TMTC2: variants seen among roughly 807,000 people sequenced by gnomAD.
TMTC2 encodes the protein transmembrane O-mannosyltransferase targeting cadherins 2, also known as protein O-mannosyl-transferase TMTC2.
A neutral mutation model predicts 82.4 loss-of-function variants in TMTC2; 43 were observed. The ratio of observed to expected loss-of-function variants is 0.52; its 90% CI spans 0.41 to 0.67. The LOEUF (loss-of-function observed/expected upper bound fraction) is 0.67, where lower values mean the gene tolerates loss of function less well. Ranked by LOEUF, TMTC2 falls within the 30% of genes least tolerant of loss-of-function variation. TMTC2 has a pLI of 0.00. For synonymous variants in TMTC2, 408 were observed against 381.9 expected (o/e 1.07, Z -0.80); for missense variants, 919 against 1,012.4 (o/e 0.91, Z 1.25).
intron 1 of TMTC2, among the ~76,000 whole-genome samples, chr12:82,693,698 G>C (rs530129103): frequency 1.4e-4 from 21 of 151,798 alleles, no homozygotes; most frequent in African/African-American, 5.1e-4. Flanking sequence ...GGCCGGGCGC[G>C]GTGGCTCACG....
intron 2 of TMTC2, among the ~76,000 whole-genome samples, chr12:82,872,871 A>T (rs534141564): frequency 6.6e-6 from 1 of 152,318 alleles, no homozygotes; most frequent in Non-Finnish European, 1.5e-5. Context: ...AAAAATTACT[A>T]TTCAAAGACA....
chr12:82,821,526 A>C (rs1869111052), intron 1 of TMTC2, among the ~76,000 whole-genome samples: 1 of 152,172 alleles, frequency 6.6e-6, no homozygotes. Flanking sequence ...AAGATTAAGT[A>C]ACTTCATTTA....
chr12:82,844,584 G>C (rs557141873), intron 1 of TMTC2, among the ~76,000 whole-genome samples: 1 of 150,938 alleles, frequency 6.6e-6, no homozygotes, highest in African/African-American at 2.4e-5. Flanking sequence ...AGCAGATCAC[G>C]AAGTCAGGAG....
chr12:83,122,580 C>G (rs1041385221), intron 11 of TMTC2, among the ~76,000 whole-genome samples: 5 of 152,150 alleles, frequency 3.3e-5, no homozygotes, highest in Non-Finnish European at 5.9e-5. Context: ...CTCCCGTAAT[C>G]AAGATTTTCA....
intron 1 of TMTC2, among the ~76,000 whole-genome samples, chr12:82,817,006 C>T (rs552324263): frequency 1.7e-4 from 25 of 142,960 alleles, no homozygotes; most frequent in Middle Eastern, 8.0e-3. Context: ...TCACTCTTGT[C>T]GCCCAGGCTG....
In TMTC2 at chr12:83,133,022, A is replaced by G. The variant is rs1341488704; in HGVS notation, c.*633A>G. On this transcript the variant is annotated 3_prime_UTR_variant, in exon 12 of 12. Coordinates refer to ENST00000321196, the MANE Select transcript of TMTC2 (RefSeq NM_152588.3). ...CAGAGGCTTCATTCTTTTGGACATC[A>G]TTTGCTTTTTATGTTCTGAAAAGGA... 6.6e-6 allele frequency: 1 copy of G among 152,146 alleles called. No individual in the cohort carries two copies. Among genetic ancestry groups the G allele is most frequent in the African/African-American group, 2.4e-5 (1 of 41,422 alleles). The allele number at this position is 152,146 out of a possible 1,614,324, so 9.4% of individuals were successfully genotyped here.
intron 2 of TMTC2, among the ~76,000 whole-genome samples, chr12:82,886,902 G>A (rs1478792948): frequency 1.3e-5 from 2 of 152,262 alleles, no homozygotes; most frequent in Middle Eastern, 3.4e-3. Context: ...TTTGAGGGGA[G>A]TATCCAGTGG....
intron 11 of TMTC2, 70 bp from the exon 12 acceptor site, chr12:83,132,140 G>GA (rs1885275608): frequency 4.0e-6 from 6 of 1,515,410 alleles, no homozygotes; most frequent in Non-Finnish European, 5.3e-6. Flanking sequence ...AGTGGATGAA[G>GA]ATTTTTGTTT....
At chr12:83,010,021 T>G (rs1168482995) in intron 8 of TMTC2, among the ~76,000 whole-genome samples, 1 of 152,094 alleles carries the variant, frequency 6.6e-6, no homozygotes, top group East Asian at 1.9e-4. Context: ...CAGCTGTAAA[T>G]ACGGATGAAG....
intron 2 of TMTC2, among the ~76,000 whole-genome samples, chr12:82,888,669 A>C (rs1195478059): frequency 1.3e-5 from 2 of 152,150 alleles, no homozygotes; most frequent in African/African-American, 4.8e-5. Context: ...AAAGATAGAA[A>C]CTGACTTTTA....
chr12:82,857,728 T>C (rs1871334955), intron 2 of TMTC2, 148 bp downstream of exon 2: 2 of 701,074 alleles, frequency 2.9e-6, no homozygotes, highest in Non-Finnish European at 2.3e-6. Flanking sequence ...AAGTGTCCTT[T>C]TGACCTTTGT....
intron 9 of TMTC2, among the ~76,000 whole-genome samples, chr12:83,038,527 A>G (rs2137435556): frequency 6.6e-6 from 1 of 152,308 alleles, no homozygotes; most frequent in South Asian, 2.1e-4. Flanking sequence ...ATGGGAAAGC[A>G]TATATCTGAA....
intron 3 of TMTC2, among the ~76,000 whole-genome samples, chr12:82,906,304 G>A (rs1474456348): frequency 1.3e-5 from 2 of 152,064 alleles, no homozygotes; most frequent in African/African-American, 4.8e-5. Context: ...CCAATAATTT[G>A]TCATGATATG....
At chr12:82,914,282 A>T (rs996356270) in intron 3 of TMTC2, among the ~76,000 whole-genome samples, 7 of 151,470 alleles carry the variant, frequency 4.6e-5, no homozygotes, top group African/African-American at 1.7e-4. Context: ...CTACTCACAT[A>T]AATATTTTAT....
At chr12:82,929,516 C>CTT (rs377063938) in intron 3 of TMTC2, among the ~76,000 whole-genome samples, 2 of 152,130 alleles carry the variant, frequency 1.3e-5, no homozygotes, top group Non-Finnish European at 2.9e-5. Flanking sequence ...ATTCTGTGCT[C>CTT]TTTTTTTGCA....
chr12:82,914,340 C>T (rs1358160321), intron 3 of TMTC2, among the ~76,000 whole-genome samples: 1 of 151,860 alleles, frequency 6.6e-6, no homozygotes, highest in Non-Finnish European at 1.5e-5. Context: ...ATTCTCTTTT[C>T]TCTAGTATTT....
chr12:82,953,003 T>C (rs1877428272), intron 4 of TMTC2, among the ~76,000 whole-genome samples: 1 of 152,214 alleles, frequency 6.6e-6, no homozygotes, highest in South Asian at 2.1e-4. Flanking sequence ...TAAATCTGTC[T>C]TTTAAAAAGG....
rs118122983 is a variant in TMTC2, at chr12:82,750,051, T to C, written c.83+62382T>C. On this transcript the variant is annotated intron_variant, in intron 1 of 11. Coordinates refer to ENST00000321196, the MANE Select transcript of TMTC2 (RefSeq NM_152588.3). ...CTGTTCCCGGCCCATGAAACTTTGT[T>C]TTTCAATCCTGTTTTGAAGATGGAA... is the stretch of plus-strand genomic sequence containing the variant. Among the ~76,000 whole-genome samples the C allele has an allele frequency of 3.3e-4, 50 of 152,216 alleles. 2 individuals carry two copies. In the East Asian group the frequency reaches 9.7e-3, roughly 29 times the overall value.
intron 11 of TMTC2, among the ~76,000 whole-genome samples, chr12:83,083,569 T>A (rs1883547405): frequency 6.6e-6 from 1 of 152,198 alleles, no homozygotes; most frequent in African/African-American, 2.4e-5. Flanking sequence ...TTGGTTCTTC[T>A]CACCTTGCTT....
Sources: allele counts gnomAD v4.1 joint callset (sites outside exome capture counted in the v4.1 genomes callset), GRCh38; gene constraint gnomAD v4.1.1; transcripts MANE v1.5; gene names NCBI Gene and HGNC (gene_info 2026-07-23, HGNC 2026-07-21).